DOT1L: variants seen among roughly 807,000 people sequenced by gnomAD.
The protein encoded by DOT1L is histone-lysine N-methyltransferase, H3 lysine-79 specific.
DOT1L carries 33 observed loss-of-function variants against 153.3 expected under a neutral mutation model. The observed-to-expected ratio is 0.22, with a 90% CI of 0.16 to 0.29. DOT1L has a LOEUF of 0.29. Among genes scored for constraint, DOT1L ranks in the 10% least tolerant of loss-of-function variants. The pLI is 1.00. For synonymous variants in DOT1L, 1,135 were observed against 965.1 expected, an observed-to-expected ratio of 1.18 and a Z score of -3.26; for missense variants, 1,847 against 2,119.9, an observed-to-expected ratio of 0.87 and a Z score of 2.53.
rs746690432 is a variant in DOT1L at position 2,207,856 on chromosome 19, C to T, written c.963+176C>T. 1.3e-5 allele frequency among the ~76,000 whole-genome samples: 2 copies of T among 152,172 alleles called. No homozygotes were observed. Among genetic ancestry groups the T allele is most frequent in the East Asian group, 1.9e-4 (1 of 5,144 alleles). ...CAAGGCCCCTCAGTACTGCTTGCAC[C>T]GCAGGACCCACCAGGGTCCTCCCAG... On this transcript the variant is annotated intron_variant, in intron 11 of 27. Coordinates refer to ENST00000398665, the MANE Select transcript of DOT1L (RefSeq NM_032482.3). This position sits in a 1 kb window ranked among gnomAD's most constrained non-coding sequence, Gnocchi z 4.5.
chr19:2,173,393 C>T (rs2021749731), intron 1 of DOT1L, among the ~76,000 whole-genome samples: 1 of 152,154 alleles, frequency 6.6e-6, no homozygotes, highest in African/African-American at 2.4e-5. Flanking sequence ...GATGCAGACC[C>T]CAAGAGAGGA....
rs921479507 is a variant in DOT1L, at chr19:2,190,483, C to T, written c.265-529C>T. Among the ~76,000 whole-genome samples, 11 of 152,124 alleles carry T rather than the reference C, an allele frequency of 7.2e-5. No homozygotes were observed. Among genetic ancestry groups the T allele is most frequent in the Non-Finnish European group, 1.5e-4 (10 of 68,006 alleles). ...AGCCTGCCACCCGGCTCTGGCTTCC[C>T]CTCAACCTCATGCATGCAGCTCTGT... On this transcript the variant is annotated intron_variant, in intron 4 of 27. Coordinates refer to ENST00000398665, the MANE Select transcript of DOT1L (RefSeq NM_032482.3). This position sits in a 1 kb window ranked among gnomAD's most constrained non-coding sequence, Gnocchi z 4.8.
At chr19:2,205,444 C>T (rs1485478789) in intron 9 of DOT1L, among the ~76,000 whole-genome samples, 3 of 152,150 alleles carry the variant, frequency 2.0e-5, no homozygotes, top group Non-Finnish European at 4.4e-5. Context: ...TTGCAGGTGC[C>T]TGGCTGACTT....
At chr19:2,215,736 T>C (rs951316736) in intron 19 of DOT1L, 1 of 152,496 alleles carries the variant, frequency 6.6e-6, no homozygotes, top group African/African-American at 2.4e-5. Context: ...CGCCGACCTC[T>C]TTACCACAGC....
At chr19:2,213,420 C>G in intron 16 of DOT1L, 119 bp from the exon 17 acceptor site, 1 of 1,014,642 alleles carries the variant, frequency 9.9e-7, no homozygotes, top group Non-Finnish European at 1.5e-6. Flanking sequence ...TGGGTCCCCT[C>G]AGGCATGTCT....
chr19:2,188,252 G>A (rs1361858583), intron 3 of DOT1L: 2 of 151,976 alleles, frequency 1.3e-5, no homozygotes, highest in Non-Finnish European at 2.9e-5. Flanking sequence ...TTCCTATGAG[G>A]AAGGGGAAGT....
At position 2,227,906 on chromosome 19, in the gene DOT1L, C is replaced by CCCTCCG. The variant is rs766504104; in HGVS notation, c.4606+797_4606+802dup. The stretch of plus-strand genomic sequence containing the variant: ...CGGCCTCGGTTGAGACCCGGCCGCC[C>CCCTCCG]CCTCCGCCTCCGCCTCCGCCTCCCC... On this transcript the variant is annotated intron_variant, in intron 27 of 27. Coordinates refer to ENST00000398665, the MANE Select transcript of DOT1L (RefSeq NM_032482.3). 4.2e-4 allele frequency: 511 copies of CCCTCCG among 1,228,696 alleles called. No individual in the cohort carries two copies. In the East Asian group the frequency reaches 5.5e-3, roughly 13 times the overall value. The allele number at this position is 1,228,696 out of a possible 1,614,324, so 76.1% of individuals were successfully genotyped here.
intron 1 of DOT1L, among the ~76,000 whole-genome samples, chr19:2,170,803 A>G (rs376629013): frequency 1.2e-4 from 18 of 152,172 alleles, no homozygotes; most frequent in African/African-American, 3.9e-4. Context: ...GATGCCCATG[A>G]ATACTGAGAA....
At chr19:2,194,414 G>T (rs569543989) in intron 6 of DOT1L, 101 bp from the exon 7 acceptor site, 13 of 1,300,206 alleles carry the variant, frequency 1.0e-5, no homozygotes, top group Middle Eastern at 4.0e-4. Flanking sequence ...CTCATGATCC[G>T]CCCTCCTCAG....
At chr19:2,167,238 G>A (rs1568322844) in intron 1 of DOT1L, among the ~76,000 whole-genome samples, 1 of 152,180 alleles carries the variant, frequency 6.6e-6, no homozygotes, top group African/African-American at 2.4e-5. Flanking sequence ...TGTGCTAAGC[G>A]TCTGTTTAAC....
Position 2,222,667 on chromosome 19 carries a change from G to C in DOT1L, c.3390+108G>C, listed in dbSNP as rs1186607122. ...TGTAATCCCAGCATTTTGGGAGGCC[G>C]AGGCGGGTGGATCACAAGATCAGGA... is the stretch of plus-strand genomic sequence containing the variant. On this transcript the variant is annotated intron_variant, in intron 24 of 27. Transcript: ENST00000398665. This position sits in a 1 kb window ranked among gnomAD's most constrained non-coding sequence, Gnocchi z 6.5. 4.7e-6 allele frequency: 5 copies of C among 1,074,240 alleles called. No individual in the cohort carries two copies. Among genetic ancestry groups the C allele is most frequent in the Non-Finnish European group, 5.2e-6 (4 of 770,514 alleles). 66.5% of individuals were successfully genotyped at this position (1,074,240 alleles called of 1,614,324 possible).
intron 3 of DOT1L, among the ~76,000 whole-genome samples, chr19:2,186,522 C>G (rs2022514068): frequency 1.3e-5 from 2 of 152,190 alleles, no homozygotes; most frequent in East Asian, 3.8e-4. Context: ...ACAGAGTAGT[C>G]CTCCATCAAG....
At chr19:2,228,801 A>C in intron 27 of DOT1L, 3 of 985,374 alleles carry the variant, frequency 3.0e-6, no homozygotes, top group Non-Finnish European at 3.6e-6. Flanking sequence ...CCAGGCGCCC[A>C]GCATGTAGCA....
At chr19:2,171,598 G>T (rs1345421315) in intron 1 of DOT1L, among the ~76,000 whole-genome samples, 6 of 152,200 alleles carry the variant, frequency 3.9e-5, no homozygotes, top group Non-Finnish European at 2.9e-5. Flanking sequence ...TCATCGCCTG[G>T]GGTCCCGGGC....
At position 2,208,188 on chromosome 19, in the gene DOT1L, C is replaced by A. The variant is rs983295251; in HGVS notation, c.963+508C>A. On this transcript the variant is annotated intron_variant, in intron 11 of 27. Transcript: ENST00000398665. This position sits in a 1 kb window ranked among gnomAD's most constrained non-coding sequence, Gnocchi z 4.4. ...GGCCTGCCTGCCTCCCACGGTGCTT[C>A]CCCCCCGGGCACGAGTATCCCGAGC... Among the ~76,000 whole-genome samples, 2 of 151,922 alleles carry A rather than the reference C, an allele frequency of 1.3e-5. No individual in the cohort carries two copies. Among genetic ancestry groups the A allele is most frequent in the African/African-American group, 4.8e-5 (2 of 41,390 alleles).
chr19:2,186,216 C>T (rs1220899973), intron 3 of DOT1L, among the ~76,000 whole-genome samples: 1 of 152,344 alleles, frequency 6.6e-6, no homozygotes, highest in South Asian at 2.1e-4. Flanking sequence ...TTATAGCGGG[C>T]GGCTGACGGC....
chr19:2,215,961 C>G (rs1476538668), intron 19 of DOT1L: 1 of 268,714 alleles, frequency 3.7e-6, no homozygotes, highest in Non-Finnish European at 7.0e-6. Flanking sequence ...TGTCCCTCCA[C>G]AGGTTTTACA....
In DOT1L at chr19:2,204,853, C is replaced by T. The variant is rs2023432542; in HGVS notation, c.788-1876C>T. 1.3e-5 allele frequency among the ~76,000 whole-genome samples: 2 copies of T among 152,226 alleles called. No individual in the cohort carries two copies. The highest frequency in any genetic ancestry group is 1.3e-4 in the Admixed American group (2 of 15,280). On this transcript the variant is annotated intron_variant, in intron 9 of 27. Transcript: ENST00000398665. The surrounding 1 kb of genome is among the most constrained non-coding windows in gnomAD (Gnocchi z 5.7). ...CCAGCCTGGCCCTGGAACCGCCCTTCCTGCTCCTCCTGAGGGGAGTGGTGT... is the reference window on the plus strand; with the variant it reads ...CCAGCCTGGCCCTGGAACCGCCCTTTCTGCTCCTCCTGAGGGGAGTGGTGT...
chr19:2,190,916 C>T lies in DOT1L; in HGVS notation c.265-96C>T. 8.3e-7 allele frequency: 1 copy of T among 1,209,604 alleles called. No homozygotes were observed. Among genetic ancestry groups the T allele is most frequent in the Admixed American group, 2.2e-5 (1 of 45,158 alleles). 74.9% of individuals were successfully genotyped at this position (1,209,604 alleles called of 1,614,324 possible). On this transcript the variant is annotated intron_variant, in intron 4 of 27. Coordinates refer to ENST00000398665, the MANE Select transcript of DOT1L (RefSeq NM_032482.3). The surrounding 1 kb of genome is among the most constrained non-coding windows in gnomAD (Gnocchi z 4.8). ...GGGGGACGAGAGGCCATGCAGCCGA[C>T]TCCCTGCTTCCGCTGGGAAAGGTCC...
Sources: gnomAD v4.1 joint callset for allele counts (sites outside exome capture counted in the v4.1 genomes callset) on GRCh38, gnomAD v4.1.1 for gene constraint, Gnocchi (gnomAD v3.1) non-coding constraint, MANE v1.5 for transcripts, NCBI Gene and HGNC (gene_info 2026-07-23, HGNC 2026-07-21) for gene names.